The following CHD7 variants were observed in gnomAD, a reference collection of about 807,000 sequenced individuals.
CHD7 encodes the protein ATP-dependent chromatin remodeler CHD7.
CHD7 carries 24 observed loss-of-function variants against 307.3 expected under a neutral mutation model. The observed-to-expected ratio is 0.08, with a 90% CI of 0.06 to 0.11. The LOEUF is 0.11. Among genes scored for constraint, CHD7 ranks in the 10% least tolerant of loss-of-function variants. The pLI is 1.00. For missense variants in CHD7, 3,106 were observed against 3,727.1 expected (o/e 0.83, Z 4.34); for synonymous variants, 1,363 against 1,349.9 (o/e 1.01, Z -0.21).
At chr8:60,831,289 T>G (rs2150766448) in intron 15 of CHD7, among the ~76,000 whole-genome samples, 1 of 151,630 alleles carries the variant, frequency 6.6e-6, no homozygotes, top group African/African-American at 2.4e-5. Flanking sequence ...ATTGGGGGAG[T>G]CTTTAGAAGG....
chr8:60,687,231 C>T, intron 1 of CHD7, among the ~76,000 whole-genome samples: 1 of 152,112 alleles, frequency 6.6e-6, no homozygotes, highest in South Asian at 2.1e-4. Context: ...ATAAGCATGC[C>T]TTTAGTTTCC....
chr8:60,735,265 T>G (rs373505620), intron 1 of CHD7, among the ~76,000 whole-genome samples: 3 of 152,346 alleles, frequency 2.0e-5, no homozygotes, highest in South Asian at 4.1e-4. Flanking sequence ...GAGATGGTGT[T>G]ACTGTCATAG....
At chr8:60,797,407 C>T (rs766181038) in intron 4 of CHD7, among the ~76,000 whole-genome samples, 2 of 152,206 alleles carry the variant, frequency 1.3e-5, no homozygotes, top group African/African-American at 4.8e-5. Flanking sequence ...GAGGAACTTA[C>T]ATTTTAAAAG....
In CHD7 at chr8:60,865,497, A is replaced by G. The variant is rs759820854; in HGVS notation, c.8558A>G (p.Glu2853Gly). Residue 2853 changes from glutamate to glycine, a missense_variant, in exon 38 of 38, where the codon GAG (glutamate) becomes GGG (glycine). Glu to Gly is a moderately conservative substitution (Grantham distance 98). Coordinates refer to ENST00000423902, the MANE Select transcript of CHD7 (RefSeq NM_017780.4). The surrounding 1 kb of genome is among the most constrained non-coding windows in gnomAD (Gnocchi z 4.3). ...GAGAAAGGAAATGAGAATGAAGACG[A>G]GAACAAAGACTCTGAGAAAAGCACA... ...GEEKGNENEDENKDSEKSTDA... is the reference protein window; with the variant it reads ...GEEKGNENEDGNKDSEKSTDA... The G allele has an allele frequency of 6.2e-7, 1 of 1,614,084 alleles. No homozygotes were observed. The highest frequency in any genetic ancestry group is 8.5e-7 in the Non-Finnish European group (1 of 1,179,902).
intron 15 of CHD7, among the ~76,000 whole-genome samples, chr8:60,831,345 G>A (rs1279139987): frequency 6.6e-6 from 1 of 152,038 alleles, no homozygotes; most frequent in East Asian, 1.9e-4. Context: ...AGGATTTTGC[G>A]AGGCAGAGTT....
chr8:60,852,367 C>A, intron 29 of CHD7, 120 bp downstream of exon 29: 1 of 1,288,714 alleles, frequency 7.8e-7, no homozygotes, highest in Non-Finnish European at 1.1e-6. Context: ...AGGCTCGCTC[C>A]AACAAAGCAG....
chr8:60,730,056 G>A (rs1250721531), intron 1 of CHD7, among the ~76,000 whole-genome samples: 2 of 152,216 alleles, frequency 1.3e-5, no homozygotes, highest in African/African-American at 4.8e-5. Context: ...GCTCAATGAT[G>A]TAGAATAGCA....
At chr8:60,784,249 A>G (rs1169327527) in intron 3 of CHD7, among the ~76,000 whole-genome samples, 1 of 152,232 alleles carries the variant, frequency 6.6e-6, no homozygotes, top group African/African-American at 2.4e-5. Context: ...AACAGTGGCA[A>G]TTTTGTTTTG....
chr8:60,822,414 G>T, intron 11 of CHD7, 89 bp from the exon 12 acceptor site: 1 of 1,264,106 alleles, frequency 7.9e-7, no homozygotes, highest in Non-Finnish European at 1.1e-6. Flanking sequence ...GTATGCATTT[G>T]TGGGTACAAT....
intron 1 of CHD7, among the ~76,000 whole-genome samples, chr8:60,699,566 C>G (rs1162381507): frequency 2.0e-5 from 3 of 152,000 alleles, no homozygotes; most frequent in East Asian, 3.9e-4. Context: ...GTTCTGGAGC[C>G]AGCTCTGTCT....
chr8:60,781,433 A>G lies in CHD7; in HGVS notation c.2096+3A>G. On this transcript the variant is annotated splice_donor_region_variant and intron_variant, in intron 3 of 37. Transcript: ENST00000423902. ...CCCAAATCCAGCAAAAAGTCAAGGT[A>G]GGCTGTGGGCAGAAAAAACAACTGC... The G allele has an allele frequency of 6.6e-7, 1 of 1,517,634 alleles. No homozygotes were observed. The highest frequency in any genetic ancestry group is 8.8e-7 in the Non-Finnish European group (1 of 1,141,268). 94.0% of individuals were successfully genotyped at this position (1,517,634 alleles called of 1,614,324 possible).
intron 2 of CHD7, among the ~76,000 whole-genome samples, chr8:60,757,472 T>G (rs1407321137): frequency 6.6e-6 from 1 of 152,236 alleles, no homozygotes; most frequent in African/African-American, 2.4e-5. Context: ...ATGACAATTA[T>G]CTCACTAAAC....
At chr8:60,862,012 T>C (rs191268209) in intron 35 of CHD7, 184 bp from the exon 36 acceptor site, 214 of 481,088 alleles carry the variant, frequency 4.4e-4, no homozygotes, top group African/African-American at 3.9e-3. Flanking sequence ...TATTCCTTAA[T>C]GGACGGGTAA....
At chr8:60,811,660 T>C (rs1419706893) in intron 7 of CHD7, among the ~76,000 whole-genome samples, 1 of 152,222 alleles carries the variant, frequency 6.6e-6, no homozygotes, top group Non-Finnish European at 1.5e-5. Context: ...CTATATATTT[T>C]CAAATTATTG....
chr8:60,799,713 C>G (rs1379646039), intron 4 of CHD7, among the ~76,000 whole-genome samples: 1 of 146,398 alleles, frequency 6.8e-6, no homozygotes, highest in African/African-American at 2.7e-5. Flanking sequence ...TTAAAATGTA[C>G]AAAGGTAGAG....
chr8:60,816,115 C>CTGTCTGTCTGTCTG (rs1554596106), intron 7 of CHD7, among the ~76,000 whole-genome samples: 10 of 50,000 alleles, frequency 2.0e-4, no homozygotes, highest in African/African-American at 4.5e-4. Context: ...GTCTGTCTGT[C>CTGTCTGTCTGTCTG]TCTCTCTCTC....
At position 60,742,606 on chromosome 8, in the gene CHD7, T is replaced by C; in HGVS notation, c.1174T>C (p.Ser392Pro). The change falls in exon 2 of 38, where the codon TCT becomes CCT. Residue 392 changes from serine (S) to proline (P), a missense_variant. Around this residue, in one of 10 missense-constraint regions of CHD7, gnomAD observed 998 missense variants for 1,004.5 expected, o/e 0.99. Coordinates refer to ENST00000423902, the MANE Select transcript of CHD7 (RefSeq NM_017780.4). ...HPSQPQGTYA[S>P]PPPMSPMKAM... is the part of the protein sequence containing the mutation. ...TTCACAGCCTCAGGGAACTTATGCC[T>C]CTCCACCTCCCATGTCACCCATGAA... 6.2e-7 allele frequency: 1 copy of C among 1,613,222 alleles called. No individual in the cohort carries two copies. Among genetic ancestry groups the C allele is most frequent in the Non-Finnish European group, 8.5e-7 (1 of 1,179,410 alleles).
intron 1 of CHD7, among the ~76,000 whole-genome samples, chr8:60,714,373 C>T (rs1761425968): frequency 1.4e-5 from 2 of 147,314 alleles, no homozygotes; most frequent in African/African-American, 5.0e-5. Flanking sequence ...GGCCGAGCCC[C>T]ACCTGGCCTG....
chr8:60,810,468 C>T (rs1020621440), intron 7 of CHD7, among the ~76,000 whole-genome samples: 4 of 152,020 alleles, frequency 2.6e-5, no homozygotes, highest in Non-Finnish European at 4.4e-5. Context: ...TTACCTACCT[C>T]TCCAACACAA....
Sources: allele counts gnomAD v4.1 joint callset (sites outside exome capture counted in the v4.1 genomes callset), GRCh38; gene constraint gnomAD v4.1.1; regional missense constraint gnomAD v4.1.1; non-coding constraint Gnocchi (gnomAD v3.1); transcripts MANE v1.5; gene names NCBI Gene and HGNC (gene_info 2026-07-23, HGNC 2026-07-21).